EPDR1: variants seen among roughly 807,000 people sequenced by gnomAD.
EPDR1 encodes the protein mammalian ependymin-related protein 1.
Under a neutral mutation model 23.7 loss-of-function variants are expected in EPDR1, and 27 were observed. The observed-to-expected ratio is 1.14, with a 90% CI of 0.84 to 1.57. EPDR1 has a LOEUF of 1.57. EPDR1 is among the 40% of genes most tolerant of loss of function. EPDR1 has a pLI of 0.00. For missense variants in EPDR1, 349 were observed against 290.4 expected, an observed-to-expected ratio of 1.20 and a Z score of -1.47; for synonymous variants, 137 against 118.2, an observed-to-expected ratio of 1.16 and a Z score of -1.03.
chr7:37,946,488 T>C (rs1019580865), intron 1 of EPDR1, among the ~76,000 whole-genome samples: 1 of 152,222 alleles, frequency 6.6e-6, no homozygotes, highest in Non-Finnish European at 1.5e-5. Flanking sequence ...ATCAGTGATG[T>C]TGGGCTTTTT....
chr7:37,939,191 G>A (rs1786118419), intron 1 of EPDR1, among the ~76,000 whole-genome samples: 1 of 152,130 alleles, frequency 6.6e-6, no homozygotes, highest in South Asian at 2.1e-4. Context: ...ATGTTAGCCA[G>A]GATGGTCTCG....
chr7:37,928,536 C>T (rs1785863191), intron 1 of EPDR1, among the ~76,000 whole-genome samples: 1 of 152,208 alleles, frequency 6.6e-6, no homozygotes, highest in African/African-American at 2.4e-5. Flanking sequence ...TGTCACCATT[C>T]TATTGAAAAT....
At chr7:37,923,587 T>C (rs1454291246) in intron 1 of EPDR1, among the ~76,000 whole-genome samples, 1 of 152,048 alleles carries the variant, frequency 6.6e-6, no homozygotes, top group Non-Finnish European at 1.5e-5. Flanking sequence ...ATATTGAAGA[T>C]GGACTGGGAT....
intron 1 of EPDR1, among the ~76,000 whole-genome samples, chr7:37,927,352 C>A (rs901521795): frequency 6.6e-6 from 1 of 151,862 alleles, no homozygotes; most frequent in Non-Finnish European, 1.5e-5. Flanking sequence ...TCATTCTAAT[C>A]CAACACTACA....
At chr7:37,921,274 A>T in intron 1 of EPDR1, 66 bp downstream of exon 1, 1 of 1,515,978 alleles carries the variant, frequency 6.6e-7, no homozygotes, top group Non-Finnish European at 8.7e-7. Context: ...GCGAGGTCGC[A>T]GAGGCCTGCG....
Position 37,951,899 on chromosome 7 carries a change from CAATGCTGT to C in EPDR1, c.*1507_*1514del, listed in dbSNP as rs1359287354. On this transcript the variant is annotated 3_prime_UTR_variant, in exon 3 of 3. Transcript: ENST00000199448. ...AATCTTGGTTATAAGGGAGTTAAAA[CAATGCTGT>C]AATAAATAAAGTGCTTCATGTGATC... 4 of 152,148 alleles carry C rather than the reference CAATGCTGT, an allele frequency of 2.6e-5. No homozygotes were observed. The highest frequency in any genetic ancestry group is 9.7e-5 in the African/African-American group (4 of 41,430). The allele number at this position is 152,148 out of a possible 1,614,324, so 9.4% of individuals were successfully genotyped here. A position where few individuals can be genotyped will look rare whatever the true frequency, so the allele number is the denominator to read the frequency against.
rs76859517 is a variant in EPDR1, at chr7:37,920,660, AAGGCAGTGGCAGC to A, written c.-256_-244del. 0.32 allele frequency: 508,620 copies of A among 1,582,838 alleles called. 86,383 individuals are homozygous for A. The highest frequency in any genetic ancestry group is 0.36 in the Non-Finnish European group (414,208 of 1,160,108). ...TGAGCAGTGAAAACCGAAGCGGCAGAAGGCAGTGGCAGCAGGCAGTGGCAGCAGGCAGTGGCCC... is the reference window on the plus strand; with the variant it reads ...TGAGCAGTGAAAACCGAAGCGGCAGAAGGCAGTGGCAGCAGGCAGTGGCCC... On this transcript the variant is annotated 5_prime_UTR_variant, in exon 1 of 3. Transcript: ENST00000199448.
intron 1 of EPDR1, among the ~76,000 whole-genome samples, chr7:37,923,239 T>G (rs980239095): frequency 6.6e-6 from 1 of 152,152 alleles, no homozygotes; most frequent in African/African-American, 2.4e-5. Flanking sequence ...AACACAATCT[T>G]GGAGATTGTC....
intron 1 of EPDR1, among the ~76,000 whole-genome samples, chr7:37,923,398 C>A (rs983007760): frequency 6.6e-6 from 1 of 151,776 alleles, no homozygotes; most frequent in Non-Finnish European, 1.5e-5. Context: ...GAGAGGAAAA[C>A]GTTAAAGAGG....
At chr7:37,922,964 A>T (rs1317061056) in intron 1 of EPDR1, among the ~76,000 whole-genome samples, 1 of 152,136 alleles carries the variant, frequency 6.6e-6, no homozygotes, top group Admixed American at 6.5e-5. Flanking sequence ...ATGTGGAGAG[A>T]CTGCTGGTCC....
intron 2 of EPDR1, 48 bp downstream of exon 2, chr7:37,949,096 GA>G (rs1166787349): frequency 3.8e-6 from 6 of 1,566,714 alleles, no homozygotes; most frequent in Non-Finnish European, 5.3e-6. Flanking sequence ...GCATGATGGG[GA>G]AAAAGGTTTA....
Position 37,921,162 on chromosome 7 carries a change from C to T in EPDR1, c.223C>T (p.Arg75Cys). Residue 75 changes from arginine (R) to cysteine (C), a missense_variant, in exon 1 of 3, where the codon CGC becomes TGC. Physicochemically the swap from Arg to Cys is radical, Grantham distance 180. Coordinates refer to ENST00000199448, the MANE Select transcript of EPDR1 (RefSeq NM_017549.5). ...GCTCTCCTACGACGGGCTCAACCAG[C>T]GCGTGCGGGTGCTGGACGAGAGGAA... ...ALLSYDGLNQ[R>C]VRVLDERKAL... 6.3e-7 allele frequency: 1 copy of T among 1,594,744 alleles called. No homozygotes were observed. Among genetic ancestry groups the T allele is most frequent in the South Asian group, 1.1e-5 (1 of 90,976 alleles).
At chr7:37,939,983 A>T (rs1786137778) in intron 1 of EPDR1, among the ~76,000 whole-genome samples, 1 of 152,348 alleles carries the variant, frequency 6.6e-6, no homozygotes, top group Admixed American at 6.5e-5. Flanking sequence ...AAACAGCACA[A>T]CACAAGGTCA....
At chr7:37,941,576 A>G (rs1263788662) in intron 1 of EPDR1, among the ~76,000 whole-genome samples, 2 of 152,262 alleles carry the variant, frequency 1.3e-5, no homozygotes, top group African/African-American at 4.8e-5. Flanking sequence ...ACGCTCAAAT[A>G]GCAATTTAAA....
chr7:37,950,187 T>C lies in EPDR1; in HGVS notation c.479-13T>C. On this transcript the variant is annotated splice_polypyrimidine_tract_variant and intron_variant, in intron 2 of 2. Transcript: ENST00000199448. ...TCTTCTTTATTTAAAAGTCAACTTT[T>C]TTCCTCTTATAGATGAAACCTGGAT... 3 of 1,574,106 alleles carry C rather than the reference T, an allele frequency of 1.9e-6. No individual in the cohort carries two copies. In the South Asian group the frequency reaches 3.5e-5, roughly 18 times the overall value.
intron 1 of EPDR1, among the ~76,000 whole-genome samples, chr7:37,942,395 G>C (rs1023266216): frequency 1.3e-5 from 2 of 152,186 alleles, no homozygotes; most frequent in Non-Finnish European, 2.9e-5. Flanking sequence ...GAGCTATGTA[G>C]AGTAGCCAAA....
intron 1 of EPDR1, among the ~76,000 whole-genome samples, chr7:37,922,665 T>TGCGG (rs145894040): frequency 1.3e-5 from 2 of 150,054 alleles, no homozygotes; most frequent in Non-Finnish European, 3.0e-5. Context: ...TTGAGGAAGC[T>TGCGG]AGGGGGGGGT....
chr7:37,937,971 T>G (rs2132011713), intron 1 of EPDR1, among the ~76,000 whole-genome samples: 1 of 148,008 alleles, frequency 6.8e-6, no homozygotes, highest in East Asian at 2.0e-4. Context: ...TGAAGAAAAA[T>G]GGGTGCCCTT....
At chr7:37,927,247 C>T (rs554786426) in intron 1 of EPDR1, among the ~76,000 whole-genome samples, 1 of 152,192 alleles carries the variant, frequency 6.6e-6, no homozygotes, top group Non-Finnish European at 1.5e-5. Context: ...ACACACATCC[C>T]TCCCCACACA....
Sources: allele counts gnomAD v4.1 joint callset (sites outside exome capture counted in the v4.1 genomes callset), GRCh38; gene constraint gnomAD v4.1.1; transcripts MANE v1.5; gene names NCBI Gene and HGNC (gene_info 2026-07-23, HGNC 2026-07-21).